The following DLG2 variants were observed in gnomAD, a reference collection of about 807,000 sequenced individuals.
DLG2 encodes disks large homolog 2.
Under a neutral mutation model 132.5 loss-of-function variants are expected in DLG2, and 45 were observed. That is an observed-to-expected ratio of 0.34 (90% CI 0.27 to 0.44). DLG2 has a LOEUF of 0.44. DLG2 is among the 20% of genes least tolerant of loss of function. DLG2 has a pLI of 1.00. For synonymous variants in DLG2, 424 were observed against 419.6 expected (o/e 1.01, Z -0.13); for missense variants, 1,045 against 1,196.9 (o/e 0.87, Z 1.87).
chr11:84,844,105 T>TTGTGTG, intron 6 of DLG2, among the ~76,000 whole-genome samples: 1 of 80,962 alleles, frequency 1.2e-5, no homozygotes, highest in East Asian at 3.7e-4. Flanking sequence ...ATATATATGT[T>TTGTGTG]TGTGTGTGTG....
intron 3 of DLG2, among the ~76,000 whole-genome samples, chr11:85,360,499 C>T (rs1489325419): frequency 6.6e-6 from 1 of 152,126 alleles, no homozygotes; most frequent in Non-Finnish European, 1.5e-5. Context: ...CTTCTACAAC[C>T]CAGTTCATCC....
At chr11:84,036,482 C>T (rs2095866026) in intron 11 of DLG2, among the ~76,000 whole-genome samples, 1 of 152,030 alleles carries the variant, frequency 6.6e-6, no homozygotes, top group African/African-American at 2.4e-5. Flanking sequence ...CATCTCAATT[C>T]CATTACTAAC....
At chr11:84,288,868 G>T (rs1420386331) in intron 7 of DLG2, among the ~76,000 whole-genome samples, 1 of 152,086 alleles carries the variant, frequency 6.6e-6, no homozygotes, top group East Asian at 1.9e-4. Flanking sequence ...AACATTTATA[G>T]TGGGGAGAAG....
rs117114207 is a variant in DLG2 at position 84,990,243 on chromosome 11, C to T, written c.357+121418G>A. Among the ~76,000 whole-genome samples the T allele has an allele frequency of 7.0e-3, 1,072 of 152,302 alleles. 9 individuals are homozygous for T. Among genetic ancestry groups the T allele is most frequent in the Middle Eastern group, 0.037 (11 of 294 alleles). ...ATGATGAAATATCAGCACATAAAGA[C>T]GTTCATCATCTGCTATGCTTTGAAT... On this transcript the variant is annotated intron_variant, in intron 6 of 27. Coordinates refer to ENST00000376104, the MANE Select transcript of DLG2 (RefSeq NM_001142699.3).
chr11:85,208,485 T>C (rs562265997), intron 4 of DLG2, among the ~76,000 whole-genome samples: 1 of 152,196 alleles, frequency 6.6e-6, no homozygotes, highest in South Asian at 2.1e-4. Context: ...ACTCTTAGAA[T>C]CATGACAAAG....
chr11:85,194,991 C>T (rs768350596), intron 4 of DLG2, among the ~76,000 whole-genome samples: 1 of 152,114 alleles, frequency 6.6e-6, no homozygotes, highest in Non-Finnish European at 1.5e-5. Flanking sequence ...CCTGGCTCTG[C>T]AATAGTAGAC....
intron 4 of DLG2, among the ~76,000 whole-genome samples, chr11:85,170,406 G>T (rs149437319): frequency 5.6e-4 from 86 of 152,288 alleles, no homozygotes; most frequent in African/African-American, 1.8e-3. Context: ...TTGCTTTGGG[G>T]AAGAGGAATT....
At chr11:83,603,127 G>A (rs995565407) in intron 19 of DLG2, among the ~76,000 whole-genome samples, 14 of 151,848 alleles carry the variant, frequency 9.2e-5, no homozygotes, top group African/African-American at 2.7e-4. Context: ...GAGATAGATC[G>A]CATATTCAAT....
chr11:83,707,772 TTCTTGAAAGC>T (rs2084399990), intron 18 of DLG2, among the ~76,000 whole-genome samples: 5 of 152,196 alleles, frequency 3.3e-5, no homozygotes, highest in African/African-American at 9.7e-5. Context: ...GCACTCACGG[TTCTTGAAAGC>T]AGGAACCCTG....
At chr11:84,005,378 C>G (rs139620724) in intron 11 of DLG2, among the ~76,000 whole-genome samples, 21 of 151,970 alleles carry the variant, frequency 1.4e-4, no homozygotes, top group African/African-American at 4.8e-4. Flanking sequence ...AATGGAAGGC[C>G]TGAAATTATA....
intron 19 of DLG2, among the ~76,000 whole-genome samples, chr11:83,584,922 C>T (rs572944798): frequency 1.3e-5 from 2 of 152,296 alleles, no homozygotes; most frequent in South Asian, 4.2e-4. Context: ...GTGCATAAGA[C>T]ATGATTCCTG....
intron 6 of DLG2, among the ~76,000 whole-genome samples, chr11:84,875,552 T>G (rs2154049121): frequency 6.6e-6 from 1 of 152,046 alleles, no homozygotes; most frequent in Admixed American, 6.5e-5. Context: ...TACATCATGG[T>G]TTTCCTTTCT....
At chr11:85,090,347 C>T (rs932960314) in intron 6 of DLG2, among the ~76,000 whole-genome samples, 2 of 152,190 alleles carry the variant, frequency 1.3e-5, no homozygotes, top group South Asian at 4.1e-4. Flanking sequence ...TCCTGCTATT[C>T]TCTATAATGA....
At chr11:85,606,917 G>A (rs188004532) in intron 2 of DLG2, among the ~76,000 whole-genome samples, 3 of 152,272 alleles carry the variant, frequency 2.0e-5, no homozygotes, top group East Asian at 1.9e-4. Context: ...CCAAACATCA[G>A]AAGGAACAAA....
intron 11 of DLG2, among the ~76,000 whole-genome samples, chr11:84,029,501 T>C (rs1198165011): frequency 2.0e-5 from 3 of 152,022 alleles, no homozygotes; most frequent in African/African-American, 7.2e-5. Flanking sequence ...GGGAGTGCAC[T>C]CCTCCTCCAA....
chr11:84,286,380 G>T (rs1347105631), intron 7 of DLG2, among the ~76,000 whole-genome samples: 3 of 152,102 alleles, frequency 2.0e-5, no homozygotes, highest in African/African-American at 7.2e-5. Context: ...TAGCTCTCCT[G>T]AGTAAATTTG....
At chr11:85,354,122 C>T (rs532214386) in intron 3 of DLG2, among the ~76,000 whole-genome samples, 3 of 151,788 alleles carry the variant, frequency 2.0e-5, no homozygotes, top group South Asian at 2.1e-4. Context: ...CCTCATCTTT[C>T]GTGCCCCACT....
Position 83,821,221 on chromosome 11 carries a change from A to G in DLG2, c.1722+12393T>C, listed in dbSNP as rs117013819. ...CAGAACCTGAGCAGAGAAAGGGCCA[A>G]TGCTGCCCTTGGGAATTTGAAAGAG... is the stretch of plus-strand genomic sequence containing the variant. On this transcript the variant is annotated intron_variant, in intron 17 of 27. Coordinates refer to ENST00000376104, the MANE Select transcript of DLG2 (RefSeq NM_001142699.3). 1.1e-3 allele frequency among the ~76,000 whole-genome samples: 175 copies of G among 152,306 alleles called. 3 individuals carry two copies. In the East Asian group the frequency reaches 0.027, roughly 24 times the overall value.
intron 7 of DLG2, among the ~76,000 whole-genome samples, chr11:84,483,346 CCCT>C: frequency 6.6e-6 from 1 of 150,506 alleles, no homozygotes; most frequent in African/African-American, 2.4e-5. Context: ...GCAGAAGAAT[CCCT>C]TGAGCCCGGG....
Sources: allele counts gnomAD v4.1 joint callset (sites outside exome capture counted in the v4.1 genomes callset), GRCh38; gene constraint gnomAD v4.1.1; transcripts MANE v1.5; gene names NCBI Gene and HGNC (gene_info 2026-07-23, HGNC 2026-07-21).